PPP6R2: variants seen among roughly 807,000 people sequenced by gnomAD.
PPP6R2 encodes protein phosphatase 6 regulatory subunit 2.
PPP6R2 carries 62 observed loss-of-function variants against 100.2 expected under a neutral mutation model. The observed-to-expected ratio is 0.62, with a 90% CI of 0.50 to 0.76. The LOEUF is 0.76. PPP6R2 is among the 30% of genes least tolerant of loss of function. The pLI is 0.00. For synonymous variants in PPP6R2, 525 were observed against 514.7 expected, an observed-to-expected ratio of 1.02 and a Z score of -0.27; for missense variants, 1,142 against 1,276.3, an observed-to-expected ratio of 0.89 and a Z score of 1.60.
At chr22:50,341,570 A>G (rs2147838359), upstream of PPP6R2, among the ~76,000 whole-genome samples, 1 of 152,310 alleles carries the variant, frequency 6.6e-6, no homozygotes, top group East Asian at 1.9e-4. Context: ...ACCTACAGCA[A>G]GTACTCCAGG....
At chr22:50,420,984 A>C (rs889217733) in intron 8 of PPP6R2, among the ~76,000 whole-genome samples, 1 of 152,228 alleles carries the variant, frequency 6.6e-6, no homozygotes, top group African/African-American at 2.4e-5. Context: ...TTCAGCCCCC[A>C]ACACTGATAG....
At chr22:50,358,514 TATG>T (rs1226340723) in intron 1 of PPP6R2, among the ~76,000 whole-genome samples, 3 of 152,234 alleles carry the variant, frequency 2.0e-5, no homozygotes, top group East Asian at 1.9e-4. Context: ...ATAAAATTAA[TATG>T]ATAAACTATA....
intron 2 of PPP6R2, among the ~76,000 whole-genome samples, chr22:50,386,572 C>T (rs921424850): frequency 1.3e-5 from 2 of 152,188 alleles, no homozygotes; most frequent in African/African-American, 4.8e-5. Flanking sequence ...AGAACAGTGG[C>T]TTGAGCAAGG....
intron 1 of PPP6R2, among the ~76,000 whole-genome samples, chr22:50,350,930 A>G (rs570752593): frequency 6.6e-6 from 1 of 151,074 alleles, no homozygotes; most frequent in Non-Finnish European, 1.5e-5. Context: ...CTCCTTGTAC[A>G]TCTTAATCAG....
chr22:50,386,137 G>A (rs190636227), intron 2 of PPP6R2, among the ~76,000 whole-genome samples: 6 of 140,968 alleles, frequency 4.3e-5, no homozygotes, highest in South Asian at 4.6e-4. Context: ...GGTTTTTTTT[G>A]TTTTGTTTTG....
At chr22:50,384,411 C>T (rs1038175812) in intron 2 of PPP6R2, among the ~76,000 whole-genome samples, 10 of 152,068 alleles carry the variant, frequency 6.6e-5, no homozygotes, top group East Asian at 5.8e-4. Flanking sequence ...AAAAATTAGC[C>T]GGGCGTCGTG....
At position 50,431,529 on chromosome 22, in the gene PPP6R2, G is replaced by A. The variant is rs936398048; in HGVS notation, c.1335+147G>A. 42 of 704,664 alleles carry A rather than the reference G, an allele frequency of 6.0e-5. No homozygotes were observed. The highest frequency in any genetic ancestry group is 9.6e-5 in the Non-Finnish European group (41 of 429,024). The allele number at this position is 704,664 out of a possible 1,614,324, so 43.7% of individuals were successfully genotyped here. ...AGGGTCCCCAGGTGTCTGGTCAGAC[G>A]CTCGTAGACAGTGGGGCTTGAGTGG... On this transcript the variant is annotated intron_variant, in intron 11 of 23. Transcript: ENST00000612753. The surrounding 1 kb of genome is among the most constrained non-coding windows in gnomAD (Gnocchi z 4.8).
Position 50,353,290 on chromosome 22 carries a change from ACT to A in PPP6R2, c.-148+9743_-148+9744del, listed in dbSNP as rs1331153272. On this transcript the variant is annotated intron_variant, in intron 1 of 23. Transcript: ENST00000612753. ...TTTTGATCGAAATGAGAGACATGTGACTCTTCCTTTCCTACAGGATTAATTGA... is the reference window on the plus strand; with the variant it reads ...TTTTGATCGAAATGAGAGACATGTGACTTCCTTTCCTACAGGATTAATTGA... Among the ~76,000 whole-genome samples the A allele has an allele frequency of 1.4e-4, 21 of 151,598 alleles. No individual in the cohort carries two copies. In the South Asian group the frequency reaches 1.9e-3, roughly 14 times the overall value.
intron 2 of PPP6R2, 52 bp from the exon 3 acceptor site, chr22:50,393,841 G>C: frequency 6.2e-7 from 1 of 1,604,936 alleles, no homozygotes; most frequent in East Asian, 2.2e-5. Context: ...TAGTGTTGCT[G>C]AAGGTGGATT....
chr22:50,351,098 T>C (rs369457826), intron 1 of PPP6R2, among the ~76,000 whole-genome samples: 5 of 125,454 alleles, frequency 4.0e-5, no homozygotes, highest in Non-Finnish European at 8.0e-5. Flanking sequence ...TGGAGTGCAA[T>C]GGCGCAATCT....
intron 10 of PPP6R2, among the ~76,000 whole-genome samples, chr22:50,427,784 G>C (rs1334225550): frequency 1.6e-4 from 24 of 151,764 alleles, no homozygotes; most frequent in East Asian, 3.9e-4. Context: ...GCAGTGGCGC[G>C]ATCTCGGCTC....
intron 1 of PPP6R2, among the ~76,000 whole-genome samples, chr22:50,346,295 G>A (rs1414621205): frequency 6.6e-5 from 1 of 15,174 alleles, no homozygotes. Flanking sequence ...GCCCCCTTCA[G>A]TGTCCCCCAG....
At chr22:50,426,407 A>G (rs1040623582) in intron 10 of PPP6R2, among the ~76,000 whole-genome samples, 2 of 152,218 alleles carry the variant, frequency 1.3e-5, no homozygotes. Context: ...TGCTTCCTTC[A>G]AAAAGTTGTA....
rs768271991 is a variant in PPP6R2, at chr22:50,381,114, C to CAAA, written c.-17+8979_-17+8981dup. Among the ~76,000 whole-genome samples, 27 of 112,954 alleles carry CAAA rather than the reference C, an allele frequency of 2.4e-4. 1 individual carries two copies. Among genetic ancestry groups the CAAA allele is most frequent in the African/African-American group, 7.5e-4 (24 of 31,992 alleles). The allele number at this position is 112,954 out of a possible 152,430, so 74.1% of individuals were successfully genotyped here. The stretch of plus-strand genomic sequence containing the variant: ...GGGTGACAGGAATGAAACTTTGTCT[C>CAAA]AAAAAAAAAAAAAAAAAGAGAACTC... On this transcript the variant is annotated intron_variant, in intron 2 of 23. Coordinates refer to ENST00000612753, the MANE Select transcript of PPP6R2 (RefSeq NM_001242898.2).
intron 3 of PPP6R2, among the ~76,000 whole-genome samples, chr22:50,405,988 T>C (rs111213459): frequency 9.6e-4 from 93 of 96,702 alleles, no homozygotes; most frequent in African/African-American, 3.2e-3. Flanking sequence ...TGGAGAGAAG[T>C]GAGAGACCTG....
At chr22:50,403,141 A>G (rs1033022369) in intron 3 of PPP6R2, among the ~76,000 whole-genome samples, 2 of 152,116 alleles carry the variant, frequency 1.3e-5, no homozygotes, top group Non-Finnish European at 2.9e-5. Context: ...CGGGAGGCGG[A>G]GGTTGCAGTG....
intron 8 of PPP6R2, among the ~76,000 whole-genome samples, chr22:50,420,970 A>G (rs1043752458): frequency 5.3e-5 from 8 of 152,256 alleles, no homozygotes; most frequent in African/African-American, 1.7e-4. Context: ...TGGGGAGAAC[A>G]TAATTCAGCC....
intron 6 of PPP6R2, among the ~76,000 whole-genome samples, chr22:50,416,368 G>T (rs2060540099): frequency 6.8e-6 from 1 of 147,850 alleles, no homozygotes; most frequent in Non-Finnish European, 1.5e-5. Flanking sequence ...CGCTCTTGTT[G>T]CCTGGGCTGG....
intron 2 of PPP6R2, among the ~76,000 whole-genome samples, chr22:50,384,924 T>C (rs1330133746): frequency 6.6e-6 from 1 of 152,064 alleles, no homozygotes; most frequent in Non-Finnish European, 1.5e-5. Context: ...TTTGTTTTGT[T>C]TTCCATAGAG....
Sources: allele counts gnomAD v4.1 joint callset (sites outside exome capture counted in the v4.1 genomes callset), GRCh38; gene constraint gnomAD v4.1.1; non-coding constraint Gnocchi (gnomAD v3.1); transcripts MANE v1.5; gene names NCBI Gene and HGNC (gene_info 2026-07-23, HGNC 2026-07-21).